CALN1: variants seen among roughly 807,000 people sequenced by gnomAD.
CALN1 encodes the protein calcium-binding protein 8.
CALN1 carries 17 observed loss-of-function variants against 30.6 expected under a neutral mutation model. The observed-to-expected ratio is 0.56, with a 90% CI of 0.38 to 0.83. The LOEUF (loss-of-function observed/expected upper bound fraction) is 0.83, where lower values mean the gene tolerates loss of function less well. Among genes scored for constraint, CALN1 ranks in the 40% least tolerant of loss-of-function variants. The pLI is 0.00. For synonymous variants in CALN1, 156 were observed against 131.4 expected (o/e 1.19, Z -1.28); for missense variants, 291 against 354.9 (o/e 0.82, Z 1.45).
At chr7:72,180,745 G>A (rs1789719263) in intron 3 of CALN1, among the ~76,000 whole-genome samples, 1 of 150,956 alleles carries the variant, frequency 6.6e-6, no homozygotes, top group South Asian at 2.1e-4. Context: ...GTAGCTGAAG[G>A]CTACCACCTA....
upstream of CALN1, among the ~76,000 whole-genome samples, chr7:72,451,570 G>A (rs1395891133): frequency 6.6e-6 from 1 of 152,016 alleles, no homozygotes; most frequent in East Asian, 1.9e-4. Context: ...GTACCCTCAT[G>A]TCTACCTTGA....
chr7:72,376,886 T>A (rs1217995335), intron 2 of CALN1, among the ~76,000 whole-genome samples: 1 of 152,232 alleles, frequency 6.6e-6, no homozygotes, highest in Admixed American at 6.5e-5. Flanking sequence ...GGTATCCAAC[T>A]TTCTGTATTT....
chr7:72,445,350 G>A (rs999784612), intron 1 of CALN1, among the ~76,000 whole-genome samples: 22 of 152,030 alleles, frequency 1.4e-4, no homozygotes, highest in East Asian at 3.9e-4. Flanking sequence ...GAACTCACCC[G>A]GCTAACCATG....
At chr7:72,209,117 T>C (rs1353119693) in intron 3 of CALN1, among the ~76,000 whole-genome samples, 1 of 140,060 alleles carries the variant, frequency 7.1e-6, no homozygotes, top group Non-Finnish European at 1.5e-5. Flanking sequence ...CTCTCTTTTT[T>C]ACTCCTTCCT....
At chr7:71,928,701 C>A (rs892218580) in intron 5 of CALN1, among the ~76,000 whole-genome samples, 2 of 152,022 alleles carry the variant, frequency 1.3e-5, no homozygotes, top group East Asian at 1.9e-4. Context: ...ACAACAGATT[C>A]TACAACTGAT....
chr7:72,404,147 A>G (rs1806539881), intron 1 of CALN1, among the ~76,000 whole-genome samples: 1 of 152,106 alleles, frequency 6.6e-6, no homozygotes, highest in Non-Finnish European at 1.5e-5. Flanking sequence ...TCTTCTGAAA[A>G]GTTGTCCTTG....
chr7:71,799,192 G>A (rs1787152993), intron 6 of CALN1, among the ~76,000 whole-genome samples: 1 of 152,152 alleles, frequency 6.6e-6, no homozygotes, highest in African/African-American at 2.4e-5. Flanking sequence ...ACTGAATATT[G>A]TCATGGATGA....
intron 5 of CALN1, among the ~76,000 whole-genome samples, chr7:71,842,187 G>A (rs1327954164): frequency 1.3e-5 from 2 of 152,088 alleles, no homozygotes; most frequent in South Asian, 2.1e-4. Flanking sequence ...GTCTAGTCCC[G>A]AGTAAACTCT....
At chr7:72,036,475 T>C (rs1212684048) in intron 4 of CALN1, among the ~76,000 whole-genome samples, 3 of 152,238 alleles carry the variant, frequency 2.0e-5, no homozygotes, top group Non-Finnish European at 2.9e-5. Context: ...AATAGGTCAA[T>C]TGGTCCACTT....
At chr7:71,943,223 G>C (rs532005615) in intron 5 of CALN1, among the ~76,000 whole-genome samples, 46 of 152,264 alleles carry the variant, frequency 3.0e-4, no homozygotes, top group Non-Finnish European at 5.7e-4. Flanking sequence ...CACAGTAGTT[G>C]CACAATAACA....
chr7:72,057,383 C>CTTTTTTTTTTTTTT (rs60838093), intron 4 of CALN1, among the ~76,000 whole-genome samples: 1 of 101,910 alleles, frequency 9.8e-6, no homozygotes, highest in Non-Finnish European at 1.9e-5. Context: ...TTTAAATGTT[C>CTTTTTTTTTTTTTT]TTTTTTTTTT....
At chr7:72,336,895 C>T in intron 2 of CALN1, 1 of 984,986 alleles carries the variant, frequency 1.0e-6, no homozygotes, top group Non-Finnish European at 1.2e-6. Flanking sequence ...CGCCGGCTCC[C>T]TCGGCGCCCC....
At chr7:72,440,700 G>T (rs1171740418) in intron 1 of CALN1, among the ~76,000 whole-genome samples, 1 of 152,160 alleles carries the variant, frequency 6.6e-6, no homozygotes, top group Admixed American at 6.5e-5. Flanking sequence ...GGTGGCTTAT[G>T]CCTGTAATCC....
At chr7:71,922,147 A>G (rs921375913) in intron 5 of CALN1, among the ~76,000 whole-genome samples, 2 of 152,230 alleles carry the variant, frequency 1.3e-5, no homozygotes, top group African/African-American at 4.8e-5. Context: ...AATGGAGACA[A>G]GCACTATGAG....
At chr7:72,205,703 T>G (rs1214311793) in intron 3 of CALN1, among the ~76,000 whole-genome samples, 1 of 150,606 alleles carries the variant, frequency 6.6e-6, no homozygotes, top group Non-Finnish European at 1.5e-5. Flanking sequence ...TTTATCAATT[T>G]TTCCTTTATA....
chr7:72,091,444 A>C (rs1268391913), intron 4 of CALN1, among the ~76,000 whole-genome samples: 1 of 152,246 alleles, frequency 6.6e-6, no homozygotes, highest in African/African-American at 2.4e-5. Context: ...TAGGCGATGG[A>C]TACCTCAATC....
At chr7:72,324,620 T>C (rs908238375) in intron 2 of CALN1, among the ~76,000 whole-genome samples, 1 of 151,982 alleles carries the variant, frequency 6.6e-6, no homozygotes, top group African/African-American at 2.4e-5. Flanking sequence ...TCTCCCTCTG[T>C]TGGCCAGGCT....
intron 3 of CALN1, among the ~76,000 whole-genome samples, chr7:72,169,695 T>C (rs925283337): frequency 6.6e-6 from 1 of 152,040 alleles, no homozygotes; most frequent in Non-Finnish European, 1.5e-5. Context: ...CTTTTTTCCT[T>C]TTCTTTTCCC....
In CALN1 at chr7:72,428,397, A is replaced by ATTT. The variant is rs11459464; in HGVS notation, c.-225-16125_-225-16123dup. Among the ~76,000 whole-genome samples, 6 of 144,990 alleles carry ATTT rather than the reference A, an allele frequency of 4.1e-5. No homozygotes were observed. In the East Asian group the frequency reaches 1.0e-3, roughly 24 times the overall value. On this transcript the variant is annotated intron_variant, in intron 1 of 6. Transcript: ENST00000395276. Reference sequence around the variant, plus strand: ...TTTTTTGTTTTTATTTTATTTTATTATTTTTTTTTTTTGAGACACAGTCTT... The same window carrying ATTT: ...TTTTTTGTTTTTATTTTATTTTATTATTTTTTTTTTTTTTTGAGACACAGTCTT...
Sources: allele counts gnomAD v4.1 joint callset (sites outside exome capture counted in the v4.1 genomes callset), GRCh38; gene constraint gnomAD v4.1.1; transcripts MANE v1.5; gene names NCBI Gene and HGNC (gene_info 2026-07-23, HGNC 2026-07-21).